Variants in DHX32 observed in about 807,000 individuals in gnomAD.
The protein encoded by DHX32 is putative pre-mRNA-splicing factor ATP-dependent RNA helicase DHX32.
DHX32 carries 51 observed loss-of-function variants against 70.0 expected under a neutral mutation model. The observed-to-expected ratio is 0.73, with a 90% confidence interval of 0.58 to 0.92. DHX32 has a LOEUF of 0.92. Ranked by LOEUF, DHX32 falls within the 40% of genes least tolerant of loss-of-function variation. DHX32 has a pLI of 0.00. For synonymous variants in DHX32, 310 were observed against 315.3 expected, an observed-to-expected ratio of 0.98 and a Z score of 0.18; for missense variants, 762 against 891.8, an observed-to-expected ratio of 0.85 and a Z score of 1.85.
intron 10 of DHX32, among the ~76,000 whole-genome samples, chr10:125,837,345 C>T (rs1854725858): frequency 6.6e-6 from 1 of 152,244 alleles, no homozygotes. Flanking sequence ...GATCCAGACT[C>T]TGTACTGGCC....
At position 125,840,846 on chromosome 10, in the gene DHX32, C is replaced by A. The variant is rs776427658; in HGVS notation, c.1693+1G>T. On this transcript the variant is annotated splice_donor_variant, in intron 8 of 10. Coordinates refer to ENST00000284690, the MANE Select transcript of DHX32 (RefSeq NM_018180.3). LOFTEE classifies it high-confidence loss of function. The stretch of plus-strand genomic sequence containing the variant: ...TAGGTAGTTTCTGAGCATTCACTTA[C>A]ACTCACTGCTAGAATTCAGAGTTGT... 3.8e-6 allele frequency: 6 copies of A among 1,583,130 alleles called. No homozygotes were observed. The highest frequency in any genetic ancestry group is 4.5e-5 in the East Asian group (2 of 44,162).
Position 125,836,386 on chromosome 10 carries a change from T to C in DHX32, c.*301A>G. The C allele has an allele frequency of 6.4e-7, 1 of 1,551,760 alleles. No individual in the cohort carries two copies. The highest frequency in any genetic ancestry group is 2.1e-5 in the Admixed American group (1 of 47,920). ...TCAGATTAAGTTCCTCTACAAAAAGTAGGGTTCTGTCCCATGTGTCTCTGA... is the reference window on the plus strand; with the variant it reads ...TCAGATTAAGTTCCTCTACAAAAAGCAGGGTTCTGTCCCATGTGTCTCTGA... On this transcript the variant is annotated 3_prime_UTR_variant, in exon 11 of 11. Coordinates refer to ENST00000284690, the MANE Select transcript of DHX32 (RefSeq NM_018180.3).
At chr10:125,843,033 TTAAA>T (rs1854924282) in intron 6 of DHX32, among the ~76,000 whole-genome samples, 1 of 152,152 alleles carries the variant, frequency 6.6e-6, no homozygotes, top group Admixed American at 6.5e-5. Context: ...CTAATATTTA[TTAAA>T]TAAATACATG....
At position 125,859,868 on chromosome 10, in the gene DHX32, T is replaced by C; in HGVS notation, c.584A>G (p.Asp195Gly). The C allele has an allele frequency of 1.2e-6, 2 of 1,614,076 alleles. No individual in the cohort carries two copies. The highest frequency in any genetic ancestry group is 1.7e-6 in the Non-Finnish European group (2 of 1,180,002). The change falls in exon 3 of 11, where the codon GAT (aspartate) becomes GGT (glycine). Residue 195 changes from aspartate to glycine, a missense_variant. By Grantham distance (94) the Asp-to-Gly change is moderately conservative (BLOSUM62 -1). Around this residue, in one of 3 missense-constraint regions of DHX32, gnomAD observed 394 missense variants for 473.1 expected, o/e 0.83. Coordinates refer to ENST00000284690, the MANE Select transcript of DHX32 (RefSeq NM_018180.3). ...ATCTTTAAGAAGTCCAAGTAACACA[T>C]CAGTTGCAATGCTTCTTTCATGAAT... is the stretch of plus-strand genomic sequence containing the variant. ...DDIHERSIAT[D>G]VLLGLLKDVL... is the part of the protein sequence containing the mutation.
In DHX32 at chr10:125,840,951, G is replaced by T; in HGVS notation, c.1589C>A (p.Ala530Asp). 1 of 1,612,068 alleles carries T rather than the reference G, an allele frequency of 6.2e-7. No homozygotes were observed. Among genetic ancestry groups the T allele is most frequent in the Non-Finnish European group, 8.5e-7 (1 of 1,178,308 alleles). The part of the protein sequence containing the change: ...SHVPHGAEEA[A>D]LTCWKTFLHP... Reference sequence around the variant, plus strand: ...TAAAAATGTCTTCCAACAAGTCAAGGCAGCCTCTTCAGCTCCATGTGGCAC... The same window carrying T: ...TAAAAATGTCTTCCAACAAGTCAAGTCAGCCTCTTCAGCTCCATGTGGCAC... Residue 530 changes from alanine (A) to aspartate (D), a missense_variant, in exon 8 of 11, where the codon GCC (alanine) becomes GAC (aspartate). Ala to Asp is a moderately radical substitution (Grantham distance 126). Around this residue, in one of 3 missense-constraint regions of DHX32, gnomAD observed 366 missense variants for 402.6 expected, o/e 0.91. Transcript: ENST00000284690.
Position 125,879,229 on chromosome 10 carries a change from G to A in DHX32, c.282+1314C>T, listed in dbSNP as rs144106541. 1.1e-4 allele frequency among the ~76,000 whole-genome samples: 16 copies of A among 151,540 alleles called. No homozygotes were observed. The East Asian group carries it at 3.1e-3, about 30-fold the overall frequency. ...TATAAAGTTGGGATCTTGCCATGTT[G>A]CCCAGCCTGGTCTCAAACTGCTGGA... is the stretch of plus-strand genomic sequence containing the variant. On this transcript the variant is annotated intron_variant, in intron 1 of 10. Coordinates refer to ENST00000284690, the MANE Select transcript of DHX32 (RefSeq NM_018180.3).
At chr10:125,889,541 C>T (rs1944357895) in intron 1 of DHX32, among the ~76,000 whole-genome samples, 2 of 152,408 alleles carry the variant, frequency 1.3e-5, no homozygotes, top group East Asian at 3.9e-4. Flanking sequence ...CTAACTGCTT[C>T]CTACACTGAA....
intron 6 of DHX32, among the ~76,000 whole-genome samples, chr10:125,848,735 GC>G (rs1300014778): frequency 6.6e-6 from 1 of 152,148 alleles, no homozygotes; most frequent in Non-Finnish European, 1.5e-5. Flanking sequence ...GCAGCTCAGG[GC>G]CCCTGTGGTG....
At chr10:125,895,164 G>A (rs1944440855) in intron 1 of DHX32, among the ~76,000 whole-genome samples, 2 of 152,258 alleles carry the variant, frequency 1.3e-5, no homozygotes, top group Non-Finnish European at 2.9e-5. Flanking sequence ...ATAAATGTCA[G>A]TTTCCATCAC....
intron 1 of DHX32, among the ~76,000 whole-genome samples, chr10:125,871,129 C>A (rs915182195): frequency 6.6e-6 from 1 of 152,190 alleles, no homozygotes; most frequent in East Asian, 1.9e-4. Flanking sequence ...TAATTTATTT[C>A]TCTTTGCTCA....
intron 1 of DHX32, among the ~76,000 whole-genome samples, chr10:125,892,369 T>C (rs1390034463): frequency 6.6e-6 from 1 of 152,412 alleles, no homozygotes; most frequent in Admixed American, 6.5e-5. Context: ...TTGCCAGTGA[T>C]CCTTTCCAAA....
rs906140088 is a variant in DHX32 at position 125,866,337 on chromosome 10, A to C, written c.476+653T>G. On this transcript the variant is annotated intron_variant, in intron 2 of 10. Coordinates refer to ENST00000284690, the MANE Select transcript of DHX32 (RefSeq NM_018180.3). The surrounding 1 kb of genome is among the most constrained non-coding windows in gnomAD (Gnocchi z 4.8). ...CTTCTTCAAAGGAAATCTCATAATGAAGCTAAGCACAGAAGAGATACCACA... is the reference window on the plus strand; with the variant it reads ...CTTCTTCAAAGGAAATCTCATAATGCAGCTAAGCACAGAAGAGATACCACA... Among the ~76,000 whole-genome samples the C allele has an allele frequency of 6.6e-6, 1 of 152,184 alleles. No individual in the cohort carries two copies. The highest frequency in any genetic ancestry group is 1.5e-5 in the Non-Finnish European group (1 of 68,032).
At chr10:125,849,663 C>A (rs184987573) in intron 6 of DHX32, among the ~76,000 whole-genome samples, 117 of 152,324 alleles carry the variant, frequency 7.7e-4, no homozygotes, top group African/African-American at 2.4e-3. Context: ...TGCGGCAGAG[C>A]TATGGGGAGG....
At chr10:125,855,250 A>G (rs770806941) in intron 3 of DHX32, among the ~76,000 whole-genome samples, 1 of 151,712 alleles carries the variant, frequency 6.6e-6, no homozygotes, top group Non-Finnish European at 1.5e-5. Flanking sequence ...ATTAAAAGGA[A>G]AAGAATGAGT....
intron 4 of DHX32, 58 bp from the exon 5 acceptor site, chr10:125,852,700 C>G (rs1944107766): frequency 2.0e-6 from 3 of 1,477,830 alleles, no homozygotes; most frequent in Non-Finnish European, 2.8e-6. Context: ...AGTAGGCTCA[C>G]TGATCCTGAA....
Position 125,859,673 on chromosome 10 carries a change from A to T in DHX32, c.779T>A (p.Leu260Ter). The change falls in exon 3 of 11, where the codon TTA becomes TAA. Residue 260 changes from leucine to a stop codon, truncating the protein, a stop_gained. Transcript: ENST00000284690. LOFTEE classifies it high-confidence loss of function. The part of the protein sequence containing the change: ...EAQKDSFESI[L>*]RLIFEIHHSG... ...GTGGTGAATTTCAAAGATAAGGCGTAAAATAGACTCAAAAGAATCCTTTTG... is the reference window on the plus strand; with the variant it reads ...GTGGTGAATTTCAAAGATAAGGCGTTAAATAGACTCAAAAGAATCCTTTTG... The T allele has an allele frequency of 6.2e-7, 1 of 1,613,188 alleles. No homozygotes were observed.
At chr10:125,843,601 G>C (rs917760558) in intron 6 of DHX32, among the ~76,000 whole-genome samples, 18 of 151,212 alleles carry the variant, frequency 1.2e-4, no homozygotes, top group Admixed American at 5.9e-4. Flanking sequence ...GACAGAGCGA[G>C]ACTCCGTCTC....
intron 1 of DHX32, among the ~76,000 whole-genome samples, chr10:125,878,853 T>C (rs866827529): frequency 2.0e-5 from 3 of 150,680 alleles, no homozygotes; most frequent in Non-Finnish European, 3.0e-5. Context: ...GGACTACAGG[T>C]GTGCATCACC....
At chr10:125,884,538 C>T (rs761514875), upstream of DHX32, among the ~76,000 whole-genome samples, 2 of 152,206 alleles carry the variant, frequency 1.3e-5, no homozygotes. Context: ...CAATCTATTA[C>T]AGCTCTTAAA....
Sources: gnomAD v4.1 joint callset for allele counts (sites outside exome capture counted in the v4.1 genomes callset) on GRCh38, gnomAD v4.1.1 for gene constraint, gnomAD v4.1.1 regional missense constraint, Gnocchi (gnomAD v3.1) non-coding constraint, MANE v1.5 for transcripts, NCBI Gene and HGNC (gene_info 2026-07-23, HGNC 2026-07-21) for gene names.